RSPO2: variants seen among roughly 807,000 people sequenced by gnomAD.
RSPO2 encodes R-spondin-2.
A neutral mutation model predicts 30.9 loss-of-function variants in RSPO2; 14 were observed. That is an observed-to-expected ratio of 0.45 (90% CI 0.30 to 0.71). RSPO2 has a LOEUF of 0.71. Ranked by LOEUF, RSPO2 falls within the 30% of genes least tolerant of loss-of-function variation. RSPO2 has a pLI of 0.08. For synonymous variants in RSPO2, 107 were observed against 96.4 expected (o/e 1.11, Z -0.64); for missense variants, 264 against 301.9 (o/e 0.87, Z 0.93).
chr8:107,945,241 CTTTTTTTTTTTT>C (rs754722790), intron 5 of RSPO2, among the ~76,000 whole-genome samples: 1 of 74,820 alleles, frequency 1.3e-5, no homozygotes. Context: ...ATTCTTTTAC[CTTTTTTTTTTTT>C]TTTTTTTTTT....
chr8:107,973,278 A>AC (rs1814067875), intron 3 of RSPO2, among the ~76,000 whole-genome samples: 1 of 151,096 alleles, frequency 6.6e-6, no homozygotes, highest in South Asian at 2.2e-4. Context: ...TCAAAAAAAA[A>AC]AATGGGGGGG....
At chr8:107,944,189 T>C (rs767362057) in intron 5 of RSPO2, among the ~76,000 whole-genome samples, 57 of 152,316 alleles carry the variant, frequency 3.7e-4, no homozygotes, top group Non-Finnish European at 7.4e-4. Context: ...ATTGCATTAA[T>C]GACTAATAGG....
At chr8:107,971,606 T>G (rs746077340) in intron 3 of RSPO2, among the ~76,000 whole-genome samples, 1 of 152,184 alleles carries the variant, frequency 6.6e-6, no homozygotes, top group African/African-American at 2.4e-5. Context: ...GTTAATATCA[T>G]CCCTGATCTG....
In RSPO2 at chr8:108,011,680, TA is replaced by T. The variant is rs35912678; in HGVS notation, c.95-22437del. ...TCTCAGCTTAAATCCATGACTTACC[TA>T]AAAGAACAAAGTAGAATGTGTGCCG... On this transcript the variant is annotated intron_variant, in intron 2 of 5. Transcript: ENST00000276659. Among the ~76,000 whole-genome samples, 1,472 of 152,314 alleles carry T rather than the reference TA, an allele frequency of 9.7e-3. 10 individuals are homozygous for T. The highest frequency in any genetic ancestry group is 0.016 in the Non-Finnish European group (1,094 of 68,026).
At chr8:107,977,000 G>T (rs1301213158) in intron 3 of RSPO2, among the ~76,000 whole-genome samples, 1 of 152,174 alleles carries the variant, frequency 6.6e-6, no homozygotes, top group Non-Finnish European at 1.5e-5. Flanking sequence ...AACATGGTAT[G>T]AGAAAGTGTG....
At chr8:107,979,312 A>C (rs1381159233) in intron 3 of RSPO2, among the ~76,000 whole-genome samples, 2 of 152,238 alleles carry the variant, frequency 1.3e-5, no homozygotes, top group Non-Finnish European at 2.9e-5. Flanking sequence ...CTGGATTAAG[A>C]AAATGTGGCA....
chr8:108,065,738 G>T (rs562872763), intron 2 of RSPO2, among the ~76,000 whole-genome samples: 1 of 151,744 alleles, frequency 6.6e-6, no homozygotes, highest in African/African-American at 2.4e-5. Context: ...TATATGTTAA[G>T]TTAAAGACTG....
At chr8:108,032,465 C>T (rs189041311) in intron 2 of RSPO2, among the ~76,000 whole-genome samples, 140 of 152,248 alleles carry the variant, frequency 9.2e-4, no homozygotes, top group Non-Finnish European at 1.5e-3. Context: ...TCTTCCAAAT[C>T]AATAATTCCA....
At chr8:107,950,182 GT>G (rs1813196935) in intron 5 of RSPO2, among the ~76,000 whole-genome samples, 1 of 152,118 alleles carries the variant, frequency 6.6e-6, no homozygotes, top group Non-Finnish European at 1.5e-5. Flanking sequence ...ATAAGTATTT[GT>G]ATATATGTGC....
chr8:107,983,535 A>G, intron 3 of RSPO2: 1 of 1,600,472 alleles, frequency 6.2e-7, no homozygotes, highest in Non-Finnish European at 8.6e-7. Context: ...ATCCAGACAC[A>G]CTACTATATT....
At chr8:107,965,406 A>T (rs1174006284) in intron 3 of RSPO2, among the ~76,000 whole-genome samples, 1 of 152,144 alleles carries the variant, frequency 6.6e-6, no homozygotes, top group Admixed American at 6.5e-5. Context: ...GCTCTAATAT[A>T]ACATTTTTCA....
intron 2 of RSPO2, among the ~76,000 whole-genome samples, chr8:107,999,827 A>T (rs1412744870): frequency 6.9e-6 from 1 of 145,482 alleles, no homozygotes; most frequent in Non-Finnish European, 1.5e-5. Flanking sequence ...AAAAAAAAAA[A>T]TGAAGAAAAT....
At chr8:107,913,954 TAACTC>T (rs201721949) in intron 5 of RSPO2, among the ~76,000 whole-genome samples, 203 of 152,274 alleles carry the variant, frequency 1.3e-3, no homozygotes, top group Non-Finnish European at 1.9e-3. Context: ...CAGTTTTACT[TAACTC>T]AGGCGTTAAA....
intron 5 of RSPO2, among the ~76,000 whole-genome samples, chr8:107,936,057 T>A (rs1258412914): frequency 6.6e-6 from 1 of 152,160 alleles, no homozygotes; most frequent in Admixed American, 6.6e-5. Flanking sequence ...ATTCTACCTA[T>A]GTATATTTTT....
intron 2 of RSPO2, among the ~76,000 whole-genome samples, chr8:108,027,049 G>T (rs1359653789): frequency 1.3e-5 from 2 of 152,064 alleles, no homozygotes; most frequent in African/African-American, 4.8e-5. Context: ...TTTCCTTTAA[G>T]AATCTATAGC....
At chr8:108,024,955 G>T (rs7007716) in intron 2 of RSPO2, among the ~76,000 whole-genome samples, 25,841 of 152,158 alleles carry the variant, frequency 0.17, 2,857 homozygotes, top group Middle Eastern at 0.27. Context: ...AGGAGGCAGA[G>T]GGGCAGCGAG....
intron 2 of RSPO2, among the ~76,000 whole-genome samples, chr8:108,067,994 G>C (rs1006643033): frequency 2.0e-5 from 3 of 152,046 alleles, no homozygotes; most frequent in South Asian, 2.1e-4. Context: ...ACTTGAACCT[G>C]GGAGGCAGAG....
At chr8:107,970,079 G>A (rs755765514) in intron 3 of RSPO2, among the ~76,000 whole-genome samples, 2 of 152,138 alleles carry the variant, frequency 1.3e-5, no homozygotes, top group Non-Finnish European at 2.9e-5. Context: ...AAATAGGCTA[G>A]AGCAAACTTT....
chr8:108,059,888 A>G lies in RSPO2; in HGVS notation c.94+22657T>C, dbSNP rs1586667679. Among the ~76,000 whole-genome samples the G allele has an allele frequency of 3.4e-5, 5 of 148,806 alleles. No individual in the cohort carries two copies. The East Asian group carries it at 9.9e-4, about 30-fold the overall frequency. Reference sequence around the variant, plus strand: ...GAGGGGGGAGGGATAGCTTTAGGAGATATACCTAATGCTAAATGACAAGTT... The same window carrying G: ...GAGGGGGGAGGGATAGCTTTAGGAGGTATACCTAATGCTAAATGACAAGTT... On this transcript the variant is annotated intron_variant, in intron 2 of 5. Coordinates refer to ENST00000276659, the MANE Select transcript of RSPO2 (RefSeq NM_178565.5).
Sources: gnomAD v4.1 joint callset for allele counts (sites outside exome capture counted in the v4.1 genomes callset) on GRCh38, gnomAD v4.1.1 for gene constraint, MANE v1.5 for transcripts, NCBI Gene and HGNC (gene_info 2026-07-23, HGNC 2026-07-21) for gene names.